The following RTN1 variants were observed in gnomAD, a reference collection of about 807,000 sequenced individuals.
RTN1 encodes reticulon-1.
RTN1 carries 25 observed loss-of-function variants against 65.5 expected under a neutral mutation model. That is an observed-to-expected ratio of 0.38 (90% confidence interval 0.28 to 0.53). RTN1 has a LOEUF of 0.53. Ranked by LOEUF, RTN1 falls within the 20% of genes least tolerant of loss-of-function variation. The pLI is 0.79. For synonymous variants in RTN1, 471 were observed against 447.6 expected, an observed-to-expected ratio of 1.05 and a Z score of -0.66; for missense variants, 983 against 1,025.4, an observed-to-expected ratio of 0.96 and a Z score of 0.57.
In RTN1 at chr14:59,702,545, G is replaced by A. The variant is rs186550103; in HGVS notation, c.1765+24374C>T. On this transcript the variant is annotated intron_variant, in intron 3 of 8. Transcript: ENST00000267484. ...GGCTGCTGAAACCCAAAACTGTGGA[G>A]TCATCGCTGTTTCTTCTCCTGCCCC... Among the ~76,000 whole-genome samples, 94 of 152,276 alleles carry A rather than the reference G, an allele frequency of 6.2e-4. No individual in the cohort carries two copies. In the South Asian group the frequency reaches 0.012, roughly 19 times the overall value.
In RTN1 at chr14:59,727,482, T is replaced by C. The variant is rs147023942; in HGVS notation, c.1202A>G (p.His401Arg). The C allele has an allele frequency of 2.0e-5, 32 of 1,583,278 alleles. No individual in the cohort carries two copies. The highest frequency in any genetic ancestry group is 2.7e-5 in the Non-Finnish European group (32 of 1,165,394). The change falls in exon 3 of 9, where the codon CAC becomes CGC. Residue 401 changes from histidine (H) to arginine (R), a missense_variant. Physicochemically the swap from His to Arg is conservative, Grantham distance 29 (BLOSUM62 0). Coordinates refer to ENST00000267484, the MANE Select transcript of RTN1 (RefSeq NM_021136.3). This position sits in a 1 kb window ranked among gnomAD's most constrained non-coding sequence, Gnocchi z 4.2. ...GPPTIPSPLD[H>R]EASSAESGDS... ...CCCCGACTCCGCGCTGCTGGCCTCG[T>C]GGTCCAGGGGGCTGGGGATGGTTGG... is the stretch of plus-strand genomic sequence containing the variant.
intron 1 of RTN1, among the ~76,000 whole-genome samples, chr14:59,864,051 A>G (rs1040447036): frequency 6.6e-5 from 10 of 152,166 alleles, no homozygotes; most frequent in Admixed American, 3.9e-4. Flanking sequence ...TAGATTCTCA[A>G]CGCAGTGACT....
chr14:59,809,635 C>A (rs763841821), intron 1 of RTN1, among the ~76,000 whole-genome samples: 5 of 152,108 alleles, frequency 3.3e-5, no homozygotes, highest in Admixed American at 6.5e-5. Context: ...CATGAACTTT[C>A]AGAATTTAGC....
At chr14:59,624,370 C>G (rs1360880435) in intron 3 of RTN1, among the ~76,000 whole-genome samples, 1 of 151,940 alleles carries the variant, frequency 6.6e-6, no homozygotes, top group African/African-American at 2.4e-5. Context: ...CAGAAGATGG[C>G]TTTTAAAGAA....
intron 3 of RTN1, among the ~76,000 whole-genome samples, chr14:59,717,487 A>G (rs1884561325): frequency 6.6e-6 from 1 of 152,206 alleles, no homozygotes; most frequent in African/African-American, 2.4e-5. Context: ...TTTCCAGGCT[A>G]TGAACAGAGA....
At chr14:59,861,814 A>C (rs1343292869) in intron 1 of RTN1, among the ~76,000 whole-genome samples, 1 of 152,138 alleles carries the variant, frequency 6.6e-6, no homozygotes, top group Non-Finnish European at 1.5e-5. Context: ...TTTTGGATAA[A>C]AATTCTTAAT....
chr14:59,844,544 G>A (rs900037931), intron 1 of RTN1, among the ~76,000 whole-genome samples: 1 of 152,122 alleles, frequency 6.6e-6, no homozygotes, highest in Non-Finnish European at 1.5e-5. Context: ...TCAAATTCAT[G>A]AAGACATTAA....
At chr14:59,772,537 T>TAA (rs368848951) in intron 1 of RTN1, among the ~76,000 whole-genome samples, 2 of 140,806 alleles carry the variant, frequency 1.4e-5, no homozygotes, top group African/African-American at 2.6e-5. Context: ...TCCCCAATAT[T>TAA]AAAAAAAAAA....
chr14:59,723,157 ATTACT>A (rs1325660466), intron 3 of RTN1, among the ~76,000 whole-genome samples: 1 of 152,172 alleles, frequency 6.6e-6, no homozygotes, highest in East Asian at 1.9e-4. Flanking sequence ...ACAAATATAC[ATTACT>A]TTATTATTAA....
chr14:59,649,888 TC>T (rs914392964), intron 3 of RTN1, among the ~76,000 whole-genome samples: 29 of 152,314 alleles, frequency 1.9e-4, no homozygotes, highest in Non-Finnish European at 2.9e-4. Context: ...GATCCAGCAA[TC>T]CCATTACTGG....
At chr14:59,633,429 T>C in intron 3 of RTN1, among the ~76,000 whole-genome samples, 1 of 152,228 alleles carries the variant, frequency 6.6e-6, no homozygotes, top group Non-Finnish European at 1.5e-5. Flanking sequence ...ATAATACAAA[T>C]AAATGGAAGC....
intron 1 of RTN1, among the ~76,000 whole-genome samples, chr14:59,810,225 T>C (rs1037715648): frequency 6.6e-6 from 1 of 152,186 alleles, no homozygotes; most frequent in African/African-American, 2.4e-5. Flanking sequence ...CTGGATATGA[T>C]AATGTTTCTC....
chr14:59,857,855 TC>T (rs1887635418), intron 1 of RTN1, among the ~76,000 whole-genome samples: 1 of 152,186 alleles, frequency 6.6e-6, no homozygotes, highest in Non-Finnish European at 1.5e-5. Flanking sequence ...TCCAGAATCT[TC>T]CTTCTCCTCA....
intron 1 of RTN1, among the ~76,000 whole-genome samples, chr14:59,866,521 T>C (rs918260978): frequency 7.0e-6 from 1 of 143,152 alleles, no homozygotes. Flanking sequence ...ATCAATGTAT[T>C]TTAAAAGTAT....
chr14:59,728,907 G>A (rs142297333), intron 2 of RTN1, among the ~76,000 whole-genome samples: 4 of 151,990 alleles, frequency 2.6e-5, no homozygotes, highest in African/African-American at 9.7e-5. Context: ...TCTAGTGGAG[G>A]GAACACAATA....
intron 1 of RTN1, among the ~76,000 whole-genome samples, chr14:59,805,373 A>T (rs1240891730): frequency 6.6e-6 from 1 of 152,222 alleles, no homozygotes; most frequent in African/African-American, 2.4e-5. Context: ...CACAGAATTC[A>T]GGTTCACAGG....
chr14:59,797,794 T>C (rs1886466484), intron 1 of RTN1, among the ~76,000 whole-genome samples: 1 of 152,210 alleles, frequency 6.6e-6, no homozygotes, highest in Non-Finnish European at 1.5e-5. Flanking sequence ...TAGCGTCATC[T>C]TTGTTAACAC....
At chr14:59,706,256 G>T (rs553432560) in intron 3 of RTN1, among the ~76,000 whole-genome samples, 1 of 152,226 alleles carries the variant, frequency 6.6e-6, no homozygotes, top group South Asian at 2.1e-4. Flanking sequence ...GAAGAACCGT[G>T]TCCCAGGCTA....
chr14:59,690,757 C>T (rs1010043675), intron 3 of RTN1, among the ~76,000 whole-genome samples: 2 of 151,964 alleles, frequency 1.3e-5, no homozygotes, highest in Admixed American at 1.3e-4. Flanking sequence ...GACCACAGTA[C>T]AGGAAAAATA....
Sources: allele counts gnomAD v4.1 joint callset (sites outside exome capture counted in the v4.1 genomes callset), GRCh38; gene constraint gnomAD v4.1.1; non-coding constraint Gnocchi (gnomAD v3.1); transcripts MANE v1.5; gene names NCBI Gene and HGNC (gene_info 2026-07-23, HGNC 2026-07-21).